NUFIP1: variants seen among roughly 807,000 people sequenced by gnomAD.
The protein encoded by NUFIP1 is FMR1-interacting protein NUFIP1.
In NUFIP1, 38 loss-of-function variants were observed where a neutral mutation model predicts 56.2. The observed-to-expected ratio is 0.68, with a 90% confidence interval of 0.52 to 0.89. NUFIP1 has a LOEUF of 0.89. NUFIP1 is among the 40% of genes least tolerant of loss of function. The pLI is 0.00. For synonymous variants in NUFIP1, 215 were observed against 212.4 expected (o/e 1.01, Z -0.10); for missense variants, 567 against 605.8 (o/e 0.94, Z 0.67).
At position 44,989,422 on chromosome 13, in the gene NUFIP1, A is replaced by AG. The variant is rs1372921153; in HGVS notation, c.14dup (p.Ser6Ter). 6.2e-7 allele frequency: 1 copy of AG among 1,613,330 alleles called. No individual in the cohort carries two copies. The highest frequency in any genetic ancestry group is 1.3e-5 in the African/African-American group (1 of 74,908). On this transcript the variant is annotated frameshift_variant, in exon 1 of 10. Transcript: ENST00000379161. LOFTEE classifies it high-confidence loss of function. ...ACCCGATAGGAGTCTCGAAATCACT[A>AG]GTCGGCTCAGCCATACCACTGGCGG...
chr13:44,989,178 G>T lies in NUFIP1; in HGVS notation c.259C>A (p.Pro87Thr), dbSNP rs1309613744. 6.2e-7 allele frequency: 1 copy of T among 1,612,940 alleles called. No homozygotes were observed. The highest frequency in any genetic ancestry group is 2.2e-5 in the East Asian group (1 of 44,846). The change falls in exon 1 of 10, where the codon CCC becomes ACC. Residue 87 changes from proline to threonine, a missense_variant. Physicochemically the swap from Pro to Thr is conservative, Grantham distance 38. Transcript: ENST00000379161. ...GCGTCGAAGGGGGGTTGCGCCCCGG[G>T]AAGAATCTGGGCGTCGAAGGGGGGC... The part of the protein sequence containing the change: ...APPPFDAQIL[P>T]GAQPPFDAQS...
intron 7 of NUFIP1, among the ~76,000 whole-genome samples, chr13:44,953,065 C>G (rs928671605): frequency 2.0e-5 from 3 of 152,134 alleles, no homozygotes; most frequent in Non-Finnish European, 4.4e-5. Flanking sequence ...GGACTTATTA[C>G]TGGCAATGTT....
intron 1 of NUFIP1, among the ~76,000 whole-genome samples, chr13:44,987,534 TG>T (rs148607557): frequency 0.053 from 8,138 of 152,268 alleles, 287 homozygotes; most frequent in South Asian, 0.075. Context: ...ATAACTTTTT[TG>T]CCCCATAGGA....
intron 5 of NUFIP1, among the ~76,000 whole-genome samples, chr13:44,975,147 G>C (rs1871927431): frequency 6.6e-6 from 1 of 151,882 alleles, no homozygotes; most frequent in African/African-American, 2.4e-5. Context: ...TTCTCTATTA[G>C]ACCTTCGGAT....
chr13:44,985,446 T>G (rs899280211), intron 1 of NUFIP1, among the ~76,000 whole-genome samples: 1 of 152,212 alleles, frequency 6.6e-6, no homozygotes, highest in Admixed American at 6.5e-5. Context: ...TTCACTGCAC[T>G]TCGTTTTACA....
chr13:44,984,591 G>A (rs369473019), intron 1 of NUFIP1, among the ~76,000 whole-genome samples: 6 of 152,216 alleles, frequency 3.9e-5, no homozygotes, highest in African/African-American at 4.8e-5. Context: ...GCAGTGAGCC[G>A]AGATGGTGCC....
rs544443026 is a variant in NUFIP1 at position 44,962,083 on chromosome 13, T to C, written c.828-2509A>G. ...GTAGATGAATATAAAATGGAGAGAT[T>C]AATAAAAAAAAGATTCCATCCAAAA... On this transcript the variant is annotated intron_variant, in intron 6 of 9. Coordinates refer to ENST00000379161, the MANE Select transcript of NUFIP1 (RefSeq NM_012345.3). Among the ~76,000 whole-genome samples the C allele has an allele frequency of 1.1e-4, 16 of 151,860 alleles. No individual in the cohort carries two copies. The South Asian group carries it at 2.9e-3, about 28-fold the overall frequency.
At chr13:44,956,724 C>CACAGGTAGTAAG (rs890544651) in intron 7 of NUFIP1, among the ~76,000 whole-genome samples, 1 of 152,126 alleles carries the variant, frequency 6.6e-6, no homozygotes, top group African/African-American at 2.4e-5. Context: ...AGGCGGAGCT[C>CACAGGTAGTAAG]ACAGGTAGTA....
intron 8 of NUFIP1, among the ~76,000 whole-genome samples, chr13:44,947,179 A>G (rs1002234227): frequency 6.6e-5 from 10 of 152,006 alleles, no homozygotes; most frequent in Non-Finnish European, 1.2e-4. Flanking sequence ...TCGGACTTTT[A>G]AGACTCCAAA....
At chr13:44,948,646 A>G (rs1347326565) in intron 8 of NUFIP1, among the ~76,000 whole-genome samples, 1 of 152,176 alleles carries the variant, frequency 6.6e-6, no homozygotes, top group African/African-American at 2.4e-5. Flanking sequence ...TTCATTAAAC[A>G]TATGCTGGAT....
chr13:44,939,391 AAT>A lies in NUFIP1; in HGVS notation c.*1813_*1814del, dbSNP rs1870655600. On this transcript the variant is annotated 3_prime_UTR_variant, in exon 10 of 10. Coordinates refer to ENST00000379161, the MANE Select transcript of NUFIP1 (RefSeq NM_012345.3). ...TCAGTTATAAAAGGCACAACTCACC[AAT>A]AGTCATGTAATGCTTACATTTCAGA... 1 of 152,228 alleles carries A rather than the reference AAT, an allele frequency of 6.6e-6. No homozygotes were observed. Among genetic ancestry groups the A allele is most frequent in the Admixed American group, 6.5e-5 (1 of 15,278 alleles). 9.4% of individuals were successfully genotyped at this position (152,228 alleles called of 1,614,324 possible).
At position 44,989,008 on chromosome 13, in the gene NUFIP1, G is replaced by T. The variant is rs758950676; in HGVS notation, c.412+17C>A. On this transcript the variant is annotated intron_variant, in intron 1 of 9. Transcript: ENST00000379161. ...GAAAAAGGTAAAGGGGTCGACTCAC[G>T]TGGAAAAATAGCCTACCTGCAGGGT... is the stretch of plus-strand genomic sequence containing the variant. The T allele has an allele frequency of 1.9e-6, 3 of 1,612,718 alleles. No homozygotes were observed. The highest frequency in any genetic ancestry group is 1.7e-5 in the Admixed American group (1 of 59,944).
intron 5 of NUFIP1, among the ~76,000 whole-genome samples, chr13:44,975,810 G>C (rs139188310): frequency 1.8e-4 from 27 of 152,308 alleles, no homozygotes; most frequent in African/African-American, 6.5e-4. Context: ...TCGTAGAAAA[G>C]AGTAAAGTTG....
intron 5 of NUFIP1, among the ~76,000 whole-genome samples, chr13:44,967,264 G>C (rs1217554851): frequency 2.6e-5 from 4 of 151,982 alleles, no homozygotes; most frequent in Non-Finnish European, 4.4e-5. Context: ...GGGTGTGGTG[G>C]CTCACGTCTG....
chr13:44,982,575 C>A (rs1190081106), intron 1 of NUFIP1, among the ~76,000 whole-genome samples: 1 of 151,918 alleles, frequency 6.6e-6, no homozygotes. Context: ...TACCATGCCC[C>A]AAGTCAGAAA....
At chr13:44,982,227 C>T (rs1248001291) in intron 1 of NUFIP1, 73 bp from the exon 2 acceptor site, 38 of 628,904 alleles carry the variant, frequency 6.0e-5, no homozygotes, top group Non-Finnish European at 6.8e-5. Flanking sequence ...TTATCTACTA[C>T]AGCATGTTAC....
chr13:44,979,649 C>A (rs920749252), intron 4 of NUFIP1, among the ~76,000 whole-genome samples: 10 of 152,126 alleles, frequency 6.6e-5, no homozygotes, highest in African/African-American at 2.2e-4. Context: ...AGTCAAGAAA[C>A]TGAGGTCCAA....
chr13:44,948,306 T>A (rs921846112), intron 8 of NUFIP1, among the ~76,000 whole-genome samples: 1 of 152,062 alleles, frequency 6.6e-6, no homozygotes, highest in Non-Finnish European at 1.5e-5. Flanking sequence ...CATGCCCGGC[T>A]AACTTTTGTA....
intron 8 of NUFIP1, among the ~76,000 whole-genome samples, chr13:44,948,886 A>G (rs1327012522): frequency 6.6e-6 from 1 of 152,224 alleles, no homozygotes; most frequent in African/African-American, 2.4e-5. Flanking sequence ...AAAAGATTCA[A>G]TTTCTTCCGA....
Sources: gnomAD v4.1 joint callset for allele counts (sites outside exome capture counted in the v4.1 genomes callset) on GRCh38, gnomAD v4.1.1 for gene constraint, MANE v1.5 for transcripts, NCBI Gene and HGNC (gene_info 2026-07-23, HGNC 2026-07-21) for gene names.